The following RAD51B variants were observed in gnomAD, a reference collection of about 807,000 sequenced individuals.
The protein encoded by RAD51B is RAD51 paralog B.
In RAD51B, 38 loss-of-function variants were observed where a neutral mutation model predicts 42.2. That is an observed-to-expected ratio of 0.90 (90% CI 0.70 to 1.18). RAD51B has a LOEUF of 1.18. Among genes scored for constraint, RAD51B ranks in the 50% most tolerant of loss-of-function variants. RAD51B has a pLI of 0.00. For missense variants in RAD51B, 373 were observed against 400.7 expected (o/e 0.93, Z 0.59); for synonymous variants, 154 against 145.2 (o/e 1.06, Z -0.43).
At chr14:68,664,950 C>T (rs1254476199) in intron 11 of RAD51B, among the ~76,000 whole-genome samples, 1 of 152,214 alleles carries the variant, frequency 6.6e-6, no homozygotes, top group African/African-American at 2.4e-5. Flanking sequence ...TCCTATTTCT[C>T]TCTCCTGAGA....
At chr14:68,038,737 T>G (rs2076171959) in intron 7 of RAD51B, among the ~76,000 whole-genome samples, 1 of 152,094 alleles carries the variant, frequency 6.6e-6, no homozygotes, top group Admixed American at 6.6e-5. Flanking sequence ...CCCCACCAGC[T>G]CCCAAGATCT....
intron 10 of RAD51B, among the ~76,000 whole-genome samples, chr14:68,531,607 G>C (rs888990571): frequency 6.6e-6 from 1 of 152,062 alleles, no homozygotes; most frequent in Non-Finnish European, 1.5e-5. Context: ...CTAAGAAAAT[G>C]TAAAAATGTA....
intron 8 of RAD51B, among the ~76,000 whole-genome samples, chr14:68,389,228 A>G (rs1171507457): frequency 6.6e-6 from 1 of 152,182 alleles, no homozygotes; most frequent in East Asian, 1.9e-4. Context: ...ATTAAGAAAC[A>G]TAACATTAAT....
chr14:67,917,524 C>A (rs956187980), intron 7 of RAD51B, among the ~76,000 whole-genome samples: 3 of 152,132 alleles, frequency 2.0e-5, no homozygotes, highest in African/African-American at 4.8e-5. Context: ...GCCCCATTTC[C>A]CATGTTGGGG....
At chr14:67,897,473 AAAG>A (rs2043459796) in intron 7 of RAD51B, among the ~76,000 whole-genome samples, 1 of 152,176 alleles carries the variant, frequency 6.6e-6, no homozygotes, top group Non-Finnish European at 1.5e-5. Flanking sequence ...AAATTTCTCA[AAAG>A]AAGACATACA....
chr14:68,562,745 C>A, intron 10 of RAD51B: 1 of 984,988 alleles, frequency 1.0e-6, no homozygotes, highest in Non-Finnish European at 1.2e-6. Context: ...CTGGTGCCCT[C>A]ATCACCAGGG....
chr14:68,294,434 G>T lies in RAD51B; in HGVS notation c.853+2454G>T, dbSNP rs923624883. On this transcript the variant is annotated intron_variant, in intron 8 of 10. Coordinates refer to ENST00000471583, the MANE Select transcript of RAD51B (RefSeq NM_133510.4). ...ATAGCCATTCAAATATATTACAATGGATGTTAAGTTCCTGTGATTTACACA... is the reference window on the plus strand; with the variant it reads ...ATAGCCATTCAAATATATTACAATGTATGTTAAGTTCCTGTGATTTACACA... Among the ~76,000 whole-genome samples the T allele has an allele frequency of 5.5e-4, 83 of 152,218 alleles. 1 individual carries two copies. The highest frequency in any genetic ancestry group is 2.8e-4 in the Non-Finnish European group (19 of 68,010).
chr14:68,371,286 A>C (rs769591293), intron 8 of RAD51B, among the ~76,000 whole-genome samples: 7 of 152,072 alleles, frequency 4.6e-5, no homozygotes, highest in Non-Finnish European at 8.8e-5. Flanking sequence ...TGGGAGGCTG[A>C]GGTAGGCAGA....
chr14:68,197,352 A>C (rs2079393378), intron 7 of RAD51B, among the ~76,000 whole-genome samples: 1 of 152,002 alleles, frequency 6.6e-6, no homozygotes. Flanking sequence ...TTTTGTGTGT[A>C]TTTTTTGTTA....
chr14:68,241,865 A>T (rs1202791489), intron 7 of RAD51B, among the ~76,000 whole-genome samples: 1 of 152,148 alleles, frequency 6.6e-6, no homozygotes, highest in Non-Finnish European at 1.5e-5. Context: ...TGAGCTGTGC[A>T]ACCTTGGGCC....
intron 4 of RAD51B, among the ~76,000 whole-genome samples, chr14:67,847,326 CTTTTTTT>C (rs60032578): frequency 8.7e-4 from 92 of 105,638 alleles, no homozygotes; most frequent in East Asian, 3.0e-3. Flanking sequence ...TTGGTTTGTT[CTTTTTTT>C]TTTTTTTTTT....
At chr14:68,516,964 T>C (rs1257004038) in intron 10 of RAD51B, among the ~76,000 whole-genome samples, 1 of 152,246 alleles carries the variant, frequency 6.6e-6, no homozygotes, top group Non-Finnish European at 1.5e-5. Flanking sequence ...GAAAATACTG[T>C]TAATTATTGT....
At chr14:68,331,378 A>AAAAAAAAAAAAAAAAAAAAAAAG (rs2082347335) in intron 8 of RAD51B, among the ~76,000 whole-genome samples, 1 of 147,842 alleles carries the variant, frequency 6.8e-6, no homozygotes, top group Non-Finnish European at 1.5e-5. Flanking sequence ...AAAAAAAAAA[A>AAAAAAAAAAAAAAAAAAAAAAAG]AAAAAAAGCA....
chr14:68,294,760 T>A (rs1027795849), intron 8 of RAD51B, among the ~76,000 whole-genome samples: 2 of 152,186 alleles, frequency 1.3e-5, no homozygotes, highest in African/African-American at 4.8e-5. Context: ...TGCCCTAGAT[T>A]AAACACAATA....
chr14:68,675,762 C>T (rs996716512), intron 11 of RAD51B, among the ~76,000 whole-genome samples: 5 of 152,168 alleles, frequency 3.3e-5, no homozygotes, highest in African/African-American at 4.8e-5. Context: ...TTCAGAGCTC[C>T]GAGAGGGTTA....
chr14:68,044,961 C>T, intron 7 of RAD51B, among the ~76,000 whole-genome samples: 1 of 151,932 alleles, frequency 6.6e-6, no homozygotes, highest in East Asian at 1.9e-4. Flanking sequence ...AATGACTGGC[C>T]AGGCGTGGTG....
rs2082134597 is a variant in RAD51B at position 68,320,323 on chromosome 14, A to G, written c.853+28343A>G. On this transcript the variant is annotated intron_variant, in intron 8 of 10. Transcript: ENST00000471583. ...GTTTTATATGCATATGATTAAACCAATGGGGAAAGAAAGCCCTGAAACTTT... is the reference window on the plus strand; with the variant it reads ...GTTTTATATGCATATGATTAAACCAGTGGGGAAAGAAAGCCCTGAAACTTT... Among the ~76,000 whole-genome samples the G allele has an allele frequency of 2.0e-5, 3 of 152,270 alleles. No individual in the cohort carries two copies. In the South Asian group the frequency reaches 6.2e-4, roughly 31 times the overall value.
intron 7 of RAD51B, among the ~76,000 whole-genome samples, chr14:68,087,392 G>A (rs1477246730): frequency 6.6e-6 from 1 of 152,090 alleles, no homozygotes; most frequent in Admixed American, 6.5e-5. Flanking sequence ...CCTCTAGCCA[G>A]TCTACCTTAA....
intron 7 of RAD51B, among the ~76,000 whole-genome samples, chr14:68,208,089 G>A (rs2079630178): frequency 6.7e-6 from 1 of 149,994 alleles, no homozygotes; most frequent in Non-Finnish European, 1.5e-5. Context: ...AGTTCAGCTA[G>A]CATTTGGAAT....
Sources: allele counts gnomAD v4.1 joint callset (sites outside exome capture counted in the v4.1 genomes callset), GRCh38; gene constraint gnomAD v4.1.1; transcripts MANE v1.5; gene names NCBI Gene and HGNC (gene_info 2026-07-23, HGNC 2026-07-21).